The following OCA2 variants were observed in gnomAD, a reference collection of about 807,000 sequenced individuals.
The protein encoded by OCA2 is P protein.
Under a neutral mutation model 100.2 loss-of-function variants are expected in OCA2, and 77 were observed. That is an observed-to-expected ratio of 0.77 (90% CI 0.64 to 0.93). OCA2 has a LOEUF of 0.93. OCA2 is among the 40% of genes least tolerant of loss of function. The pLI is 0.00. For missense variants in OCA2, 1,062 were observed against 1,089.1 expected, an observed-to-expected ratio of 0.98 and a Z score of 0.35; for synonymous variants, 432 against 439.2, an observed-to-expected ratio of 0.98 and a Z score of 0.21.
chr15:27,968,943 T>C (rs1036474674), intron 14 of OCA2, among the ~76,000 whole-genome samples: 1 of 150,716 alleles, frequency 6.6e-6, no homozygotes, highest in Non-Finnish European at 1.5e-5. Context: ...ACGATACTTT[T>C]AGGGGCTTAT....
intron 23 of OCA2, among the ~76,000 whole-genome samples, chr15:27,768,531 T>C (rs2031464297): frequency 6.6e-6 from 1 of 152,244 alleles, no homozygotes; most frequent in African/African-American, 2.4e-5. Flanking sequence ...AAATTCTCGG[T>C]AACAACTTAG....
intron 6 of OCA2, among the ~76,000 whole-genome samples, chr15:28,021,096 T>A (rs2042580090): frequency 6.6e-6 from 1 of 152,216 alleles, no homozygotes; most frequent in Non-Finnish European, 1.5e-5. Flanking sequence ...ACTTGCCATT[T>A]AGCTAACTGA....
At chr15:27,930,356 CATA>C (rs1160623029) in intron 18 of OCA2, among the ~76,000 whole-genome samples, 2 of 152,068 alleles carry the variant, frequency 1.3e-5, no homozygotes, top group Non-Finnish European at 2.9e-5. Flanking sequence ...GGATGAATCT[CATA>C]ATAATTATGC....
At chr15:27,818,414 C>T (rs1378832023) in intron 23 of OCA2, among the ~76,000 whole-genome samples, 1 of 152,068 alleles carries the variant, frequency 6.6e-6, no homozygotes, top group Non-Finnish European at 1.5e-5. Context: ...TAATAAATTA[C>T]ATTAAATATC....
intron 23 of OCA2, among the ~76,000 whole-genome samples, chr15:27,805,290 C>CGGGCA (rs911234743): frequency 2.0e-5 from 3 of 152,244 alleles, no homozygotes; most frequent in African/African-American, 7.2e-5. Flanking sequence ...AAACACAGCG[C>CGGGCA]GGGCAGTAAA....
In OCA2 at chr15:27,951,796, G is replaced by A; in HGVS notation, c.1939C>T (p.His647Tyr). 5 of 1,608,942 alleles carry A rather than the reference G, an allele frequency of 3.1e-6. No individual in the cohort carries two copies. Among genetic ancestry groups the A allele is most frequent in the Non-Finnish European group, 4.3e-6 (5 of 1,175,258 alleles). ...AAATTAGACTCACCAAGATCAAGAT[G>A]AATGCCAGGGACAAACGAATTGAGG... ...FFLNSFVPGIHLDLGWIAILG... is the reference protein window; with the variant it reads ...FFLNSFVPGIYLDLGWIAILG... The change falls in exon 18 of 24, where the codon CAT (histidine) becomes TAT (tyrosine). Residue 647 changes from histidine (H) to tyrosine (Y), a missense_variant. By Grantham distance (83) the His-to-Tyr change is moderately conservative. Transcript: ENST00000354638.
In OCA2 at chr15:28,024,880, C is replaced by G; in HGVS notation, c.538G>C (p.Val180Leu). The change falls in exon 5 of 24, where the codon GTC becomes CTC. Residue 180 changes from valine (V) to leucine (L), a missense_variant. Val to Leu is a conservative substitution (Grantham distance 32). Coordinates refer to ENST00000354638, the MANE Select transcript of OCA2 (RefSeq NM_000275.3). ...KLRRCVQWLK[V>L]MGLFAFVVLC... Reference sequence around the variant, plus strand: ...ACCACAAAGGCAAACAGGCCCATGACTTTCAGCCACTGCACACAGCGCCTG... The same window carrying G: ...ACCACAAAGGCAAACAGGCCCATGAGTTTCAGCCACTGCACACAGCGCCTG... The G allele has an allele frequency of 1.9e-6, 3 of 1,614,268 alleles. No individual in the cohort carries two copies. In the South Asian group the frequency reaches 3.3e-5, roughly 18 times the overall value.
intron 18 of OCA2, among the ~76,000 whole-genome samples, chr15:27,946,797 T>C (rs1251252624): frequency 6.6e-6 from 1 of 152,236 alleles, no homozygotes; most frequent in Non-Finnish European, 1.5e-5. Flanking sequence ...CAGAATCCTT[T>C]TCTGCAAAGC....
intron 19 of OCA2, among the ~76,000 whole-genome samples, chr15:27,874,735 G>A (rs1280861248): frequency 6.6e-6 from 1 of 152,084 alleles, no homozygotes; most frequent in Non-Finnish European, 1.5e-5. Context: ...ATCTCCAGAT[G>A]ACATTAAACC....
chr15:27,883,720 T>G (rs1284200085), intron 19 of OCA2, among the ~76,000 whole-genome samples: 2 of 152,178 alleles, frequency 1.3e-5, no homozygotes, highest in African/African-American at 4.8e-5. Context: ...GGCTGATATA[T>G]CTCAGAAGTC....
intron 23 of OCA2, among the ~76,000 whole-genome samples, chr15:27,761,534 T>C (rs1177846558): frequency 6.6e-6 from 1 of 151,584 alleles, no homozygotes; most frequent in African/African-American, 2.4e-5. Context: ...AGACTCAACA[T>C]AGACAAAATG....
chr15:27,784,262 G>C (rs1291117987), intron 23 of OCA2, among the ~76,000 whole-genome samples: 4 of 152,198 alleles, frequency 2.6e-5, no homozygotes, highest in African/African-American at 9.6e-5. Flanking sequence ...GTTCCACCCT[G>C]AACACAAGGT....
intron 23 of OCA2, among the ~76,000 whole-genome samples, chr15:27,835,714 A>G (rs17566358): frequency 0.67 from 101,766 of 152,130 alleles, 35,257 homozygotes; most frequent in East Asian, 0.96. Context: ...ATGATATGCA[A>G]TGGCGTTGGC....
At chr15:27,811,104 G>GAT in intron 23 of OCA2, among the ~76,000 whole-genome samples, 1 of 152,250 alleles carries the variant, frequency 6.6e-6, no homozygotes, top group South Asian at 2.1e-4. Flanking sequence ...CAACTGCAAA[G>GAT]ATATGGAACC....
chr15:27,738,368 T>C, the OCA2 span, among the ~76,000 whole-genome samples: 1 of 150,444 alleles, frequency 6.6e-6, no homozygotes, highest in Non-Finnish European at 1.5e-5. Context: ...CACCGATGAG[T>C]GTCATAAATA....
intron 14 of OCA2, among the ~76,000 whole-genome samples, chr15:27,980,050 A>C (rs1407958527): frequency 6.6e-6 from 1 of 150,992 alleles, no homozygotes; most frequent in African/African-American, 2.4e-5. Flanking sequence ...TCCAGGCTTT[A>C]TTTTATTGTT....
chr15:28,016,925 C>T (rs2042412636), intron 7 of OCA2, among the ~76,000 whole-genome samples: 2 of 152,074 alleles, frequency 1.3e-5, no homozygotes, highest in African/African-American at 4.8e-5. Flanking sequence ...ACAAACCCAC[C>T]CCCAGCAAAC....
intron 23 of OCA2, among the ~76,000 whole-genome samples, chr15:27,769,012 C>T (rs183092625): frequency 6.8e-4 from 103 of 152,326 alleles, no homozygotes; most frequent in African/African-American, 2.1e-3. Flanking sequence ...GCTGCCAGGA[C>T]GACTCCAGAT....
At chr15:28,000,914 G>A (rs538531090) in intron 9 of OCA2, among the ~76,000 whole-genome samples, 2 of 152,106 alleles carry the variant, frequency 1.3e-5, no homozygotes, top group Non-Finnish European at 2.9e-5. Context: ...ATGAGATATG[G>A]CCTAACACCT....
Sources: gnomAD v4.1 joint callset for allele counts (sites outside exome capture counted in the v4.1 genomes callset) on GRCh38, gnomAD v4.1.1 for gene constraint, MANE v1.5 for transcripts, NCBI Gene and HGNC (gene_info 2026-07-23, HGNC 2026-07-21) for gene names.